RACK1: variants seen among roughly 807,000 people sequenced by gnomAD.
RACK1 encodes the protein receptor for activated C kinase 1, also known as small ribosomal subunit protein RACK1.
Under a neutral mutation model 42.2 loss-of-function variants are expected in RACK1, and 3 were observed. The ratio of observed to expected loss-of-function variants is 0.07; its 90% CI spans 0.03 to 0.18. The LOEUF (loss-of-function observed/expected upper bound fraction) is 0.18. RACK1 is among the 10% of genes least tolerant of loss of function. RACK1 has a pLI of 1.00. For synonymous variants in RACK1, 181 were observed against 154.8 expected (o/e 1.17, Z -1.25); for missense variants, 146 against 403.2 (o/e 0.36, Z 5.46).
rs777386011 is a variant in RACK1, at chr5:181,243,242, G to A, written c.109+450C>T. 1.3e-5 allele frequency: 17 copies of A among 1,337,454 alleles called. 1 individual carries two copies. Among genetic ancestry groups the A allele is most frequent in the African/African-American group, 3.0e-5 (2 of 67,166 alleles). 82.8% of individuals were successfully genotyped at this position (1,337,454 alleles called of 1,614,324 possible). On this transcript the variant is annotated intron_variant, in intron 1 of 7. Coordinates refer to ENST00000512805, the MANE Select transcript of RACK1 (RefSeq NM_006098.5). ...ACGGGGAGAACCAGGGGCAGAAAAA[G>A]TAGGCCGACACTTGAGCCACGAGGT...
Position 181,243,830 on chromosome 5 carries a change from C to A in RACK1, c.-30G>T, listed in dbSNP as rs765591595. On this transcript the variant is annotated 5_prime_UTR_variant, in exon 1 of 8. Coordinates refer to ENST00000512805, the MANE Select transcript of RACK1 (RefSeq NM_006098.5). Reference sequence around the variant, plus strand: ...GCGGCGAGAGCGTGTGTCGCTGCAGCGACGAGGATGGCACTGGATGGCTTA... The same window carrying A: ...GCGGCGAGAGCGTGTGTCGCTGCAGAGACGAGGATGGCACTGGATGGCTTA... 1 of 1,580,002 alleles carries A rather than the reference C, an allele frequency of 6.3e-7. No individual in the cohort carries two copies. Among genetic ancestry groups the A allele is most frequent in the Admixed American group, 1.8e-5 (1 of 54,246 alleles).
chr5:181,243,687 C>T lies in RACK1; in HGVS notation c.109+5G>A. On this transcript the variant is annotated splice_donor_5th_base_variant and intron_variant, in intron 1 of 7. Transcript: ENST00000512805. ...TCGGGTCCTGAAATCTACCTTAGTC[C>T]GTACCTCGAGAGGCGGAGAGGATCA... 1 of 1,593,982 alleles carries T rather than the reference C, an allele frequency of 6.3e-7. No individual in the cohort carries two copies. Among genetic ancestry groups the T allele is most frequent in the Non-Finnish European group, 8.5e-7 (1 of 1,170,288 alleles).
chr5:181,241,837 T>C (rs757028195), intron 2 of RACK1, 198 bp from the exon 3 acceptor site: 2 of 782,928 alleles, frequency 2.6e-6, no homozygotes, highest in East Asian at 2.4e-5. Context: ...TTGCAGGACA[T>C]GTCCTCACTC....
At chr5:181,241,046 C>G (rs1582297030) in intron 3 of RACK1, 1 of 156,776 alleles carries the variant, frequency 6.4e-6, no homozygotes, top group Admixed American at 6.2e-5. Flanking sequence ...ACTGCTTGAA[C>G]CCAGGAGGCG....
Position 181,237,673 on chromosome 5 carries a change from A to G in RACK1, c.824T>C (p.Ile275Thr). ...TGGTTCTGCCTTGCTGCTGGTACTG[A>G]TAACTTCTTGCTTCAGTTCATCTAC... ...IIVDELKQEVISTSSKAEPPQ... is the reference protein window; with the variant it reads ...IIVDELKQEVTSTSSKAEPPQ... The change falls in exon 7 of 8, where the codon ATC (isoleucine) becomes ACC (threonine). Residue 275 changes from isoleucine (I) to threonine (T), a missense_variant. Physicochemically the swap from Ile to Thr is moderately conservative, Grantham distance 89. Transcript: ENST00000512805. The G allele has an allele frequency of 6.2e-7, 1 of 1,613,062 alleles. No individual in the cohort carries two copies. The highest frequency in any genetic ancestry group is 1.1e-5 in the South Asian group (1 of 91,064).
At position 181,238,073 on chromosome 5, in the gene RACK1, C is replaced by T. The variant is rs755230976; in HGVS notation, c.777+26G>A. 4 of 1,612,794 alleles carry T rather than the reference C, an allele frequency of 2.5e-6. No individual in the cohort carries two copies. In the African/African-American group the frequency reaches 4.0e-5, roughly 16 times the overall value. On this transcript the variant is annotated intron_variant, in intron 6 of 7. Coordinates refer to ENST00000512805, the MANE Select transcript of RACK1 (RefSeq NM_006098.5). The stretch of plus-strand genomic sequence containing the variant: ...CCAGGGCTCAGAGTGCAGCCAGGTA[C>T]CCAGTCAATTGTAACCCACACTCAC...
intron 1 of RACK1, 150 bp downstream of exon 1, chr5:181,243,542 G>T: frequency 1.4e-6 from 2 of 1,390,328 alleles, no homozygotes; most frequent in Non-Finnish European, 1.9e-6. Context: ...GGGTCCGCAC[G>T]CCCCAATTCA....
At chr5:181,237,118 T>C in intron 7 of RACK1, 76 bp from the exon 8 acceptor site, 1 of 1,592,998 alleles carries the variant, frequency 6.3e-7, no homozygotes, top group Non-Finnish European at 8.6e-7. Context: ...CCCAAGTGGC[T>C]TTTTTTGAGA....
At chr5:181,238,749 A>G in intron 5 of RACK1, 1 of 378,408 alleles carries the variant, frequency 2.6e-6, no homozygotes, top group Non-Finnish European at 5.1e-6. Context: ...CAGTGAGCCG[A>G]GATCGCGCCA....
Position 181,241,486 on chromosome 5 carries a change from C to A in RACK1, c.429+6G>T. The A allele has an allele frequency of 6.2e-7, 1 of 1,601,692 alleles. No homozygotes were observed. Among genetic ancestry groups the A allele is most frequent in the Non-Finnish European group, 8.5e-7 (1 of 1,173,160 alleles). On this transcript the variant is annotated splice_donor_region_variant and intron_variant, in intron 3 of 7. Coordinates refer to ENST00000512805, the MANE Select transcript of RACK1 (RefSeq NM_006098.5). ...GGAAGAGATCCTTGGAGATGGCTCA[C>A]TTTACCTGGACAGTGTATTTGCACA...
intron 3 of RACK1, among the ~76,000 whole-genome samples, chr5:181,240,773 C>T (rs1759313600): frequency 6.6e-6 from 1 of 152,200 alleles, no homozygotes; most frequent in African/African-American, 2.4e-5. Context: ...AGCAGTCCTC[C>T]CACCTTGGCC....
At chr5:181,238,782 G>A (rs569477386) in intron 5 of RACK1, 29 of 399,098 alleles carry the variant, frequency 7.3e-5, no homozygotes, top group Admixed American at 5.7e-4. Flanking sequence ...CTTGGCAGCC[G>A]AGTGAGACTC....
intron 3 of RACK1, 65 bp downstream of exon 3, chr5:181,241,426 CA>C (rs57063983): frequency 0.19 from 191,949 of 1,036,946 alleles, 16 homozygotes; most frequent in Non-Finnish European, 0.2. Context: ...AGACTGTCGC[CA>C]AAAAAAAAAA....
In RACK1 at chr5:181,239,163, A is replaced by G; in HGVS notation, c.540T>C (p.Ala180=). 1 of 1,612,780 alleles carries G rather than the reference A, an allele frequency of 6.2e-7. No homozygotes were observed. The highest frequency in any genetic ancestry group is 1.6e-4 in the Middle Eastern group (1 of 6,062). Residue 180 remains alanine, a synonymous_variant, in exon 5 of 8, where the codon GCT becomes GCC. Coordinates refer to ENST00000512805, the MANE Select transcript of RACK1 (RefSeq NM_006098.5). ...TGTGGTTGGTCTTCAGCTTGCAGTT[A>G]GCCAGGTTCCATACCTGCATAGACG... ...WDKLVKVWNL[A]NCKLKTNHIG... is the part of the protein sequence containing the mutation.
chr5:181,242,884 G>A (rs1421837292), intron 1 of RACK1: 2 of 328,188 alleles, frequency 6.1e-6, no homozygotes, highest in Non-Finnish European at 1.2e-5. Flanking sequence ...TAATTTAGGT[G>A]CCAGAAATAC....
intron 6 of RACK1, 29 bp from the exon 7 acceptor site, chr5:181,237,748 G>A: frequency 8.6e-7 from 1 of 1,168,440 alleles, no homozygotes; most frequent in South Asian, 1.2e-5. Context: ...GCAACCTTAA[G>A]ACTTACCAAT....
At chr5:181,237,466 A>G (rs1049130434) in intron 7 of RACK1, 143 bp downstream of exon 7, 15 of 675,512 alleles carry the variant, frequency 2.2e-5, no homozygotes, top group Non-Finnish European at 3.2e-5. Context: ...ATGGCAAACG[A>G]GGGCATCCTC....
chr5:181,242,040 ATCT>A (rs781561432), intron 2 of RACK1, 131 bp downstream of exon 2: 3 of 849,250 alleles, frequency 3.5e-6, no homozygotes, highest in Non-Finnish European at 5.9e-6. Flanking sequence ...GAGGCCAAAC[ATCT>A]TCTGTAGGTG....
At chr5:181,242,390 C>A in intron 1 of RACK1, 45 bp from the exon 2 acceptor site, 1 of 1,344,750 alleles carries the variant, frequency 7.4e-7, no homozygotes. Flanking sequence ...GAACCCGCAG[C>A]CCGTTTAACA....
Sources: allele counts gnomAD v4.1 joint callset (sites outside exome capture counted in the v4.1 genomes callset), GRCh38; gene constraint gnomAD v4.1.1; transcripts MANE v1.5; gene names NCBI Gene and HGNC (gene_info 2026-07-23, HGNC 2026-07-21).